CD99L2: variants seen among roughly 807,000 people sequenced by gnomAD.
CD99L2 encodes CD99 molecule like 2.
CD99L2 carries 24 observed loss-of-function variants against 27.3 expected under a neutral mutation model. The ratio of observed to expected loss-of-function variants is 0.88; its 90% CI spans 0.64 to 1.24. CD99L2 has a LOEUF of 1.24. Ranked by LOEUF, CD99L2 falls within the 50% of genes most tolerant of loss-of-function variation. The pLI, the probability that CD99L2 is intolerant of heterozygous loss-of-function variation, is 0.00. For missense variants in CD99L2, 255 were observed against 221.6 expected, an observed-to-expected ratio of 1.15 and a Z score of -0.96; for synonymous variants, 97 against 87.9, an observed-to-expected ratio of 1.10 and a Z score of -0.58.
At chrX:150,885,710 ATCT>A (rs782170173) in intron 1 of CD99L2, among the ~76,000 whole-genome samples, 4 of 112,283 alleles carry the variant, frequency 3.6e-5, no homozygotes, top group African/African-American at 1.3e-4. Context: ...ATATAATGTT[ATCT>A]TATTATAGTT....
Position 150,797,421 on chromosome X carries a change from C to T in CD99L2, c.278-1935G>A, listed in dbSNP as rs1314160111. Reference sequence around the variant, plus strand: ...AAGAAATGGACCAATTTCTCAAAAACCACCAACTATCAAAATACAACCTAA... The same window carrying T: ...AAGAAATGGACCAATTTCTCAAAAATCACCAACTATCAAAATACAACCTAA... On this transcript the variant is annotated intron_variant, in intron 4 of 10. Transcript: ENST00000370377. Among the ~76,000 whole-genome samples the T allele has an allele frequency of 3.2e-4, 36 of 111,927 alleles. No homozygotes were observed. In the Admixed American group the frequency reaches 3.4e-3, roughly 11 times the overall value.
In CD99L2 at chrX:150,805,173, GC is replaced by G. The variant is rs782197564; in HGVS notation, c.277+9688del. Among the ~76,000 whole-genome samples, 228 of 111,798 alleles carry G rather than the reference GC, an allele frequency of 2.0e-3. 2 individuals carry two copies. The highest frequency in any genetic ancestry group is 7.2e-3 in the African/African-American group (221 of 30,740). On this transcript the variant is annotated intron_variant, in intron 4 of 10. Transcript: ENST00000370377. Reference sequence around the variant, plus strand: ...ATTGCACTCCAGCCTGGGCAACAGAGCGAGACTCCGACTCAAAACAAACAAA... The same window carrying G: ...ATTGCACTCCAGCCTGGGCAACAGAGGAGACTCCGACTCAAAACAAACAAA...
intron 1 of CD99L2, among the ~76,000 whole-genome samples, chrX:150,858,117 A>AT (rs1203901635): frequency 9.8e-4 from 111 of 112,736 alleles, no homozygotes; most frequent in Non-Finnish European, 1.8e-3. Context: ...AAAGAAGGTC[A>AT]TTGTATAATG....
At chrX:150,890,307 CG>C (rs1236802295) in intron 1 of CD99L2, among the ~76,000 whole-genome samples, 1 of 109,038 alleles carries the variant, frequency 9.2e-6, no homozygotes, top group Non-Finnish European at 1.9e-5. Flanking sequence ...GGTGAAACCC[CG>C]TCTCTACTGA....
chrX:150,791,579 G>A (rs782252669), intron 7 of CD99L2, among the ~76,000 whole-genome samples: 57 of 111,741 alleles, frequency 5.1e-4, no homozygotes, highest in African/African-American at 1.8e-3. Context: ...GAACCACAGT[G>A]GGAGTAGGGG....
chrX:150,871,562 T>C (rs997156391), intron 1 of CD99L2, among the ~76,000 whole-genome samples: 1 of 112,072 alleles, frequency 8.9e-6, no homozygotes, highest in Admixed American at 9.5e-5. Context: ...ACAACCACTT[T>C]GGAAAACTCT....
At chrX:150,799,993 A>T (rs2045878201) in intron 4 of CD99L2, among the ~76,000 whole-genome samples, 1 of 112,423 alleles carries the variant, frequency 8.9e-6, no homozygotes, top group Admixed American at 9.4e-5. Flanking sequence ...CCATCAACAT[A>T]TAAATGGATA....
At chrX:150,779,273 C>T (rs2045470644) in intron 7 of CD99L2, among the ~76,000 whole-genome samples, 1 of 112,243 alleles carries the variant, frequency 8.9e-6, no homozygotes, top group East Asian at 2.8e-4. Context: ...AGACTCAAAG[C>T]TCAATAGTTC....
rs944179658 is a variant in CD99L2, at chrX:150,893,522, G to C, written c.67+5000C>G. Among the ~76,000 whole-genome samples the C allele has an allele frequency of 3.7e-5, 4 of 108,432 alleles. No individual in the cohort carries two copies. The East Asian group carries it at 1.2e-3, about 32-fold the overall frequency. 94.2% of individuals were successfully genotyped at this position (108,432 alleles called of 115,157 possible). ...GGCCCACTCTGCTCTTACGCCCCCC[G>C]AACCAAGTTCAAGGACCTTGAAAAC... On this transcript the variant is annotated intron_variant, in intron 1 of 10. Coordinates refer to ENST00000370377, the MANE Select transcript of CD99L2 (RefSeq NM_031462.4).
chrX:150,800,434 T>C (rs1053018956), intron 4 of CD99L2, among the ~76,000 whole-genome samples: 2 of 112,032 alleles, frequency 1.8e-5, no homozygotes, highest in African/African-American at 6.5e-5. Flanking sequence ...AATACAACTA[T>C]AAAAATAATA....
At position 150,793,380 on chromosome X, in the gene CD99L2, G is replaced by C. The variant is rs910102039; in HGVS notation, c.496+311C>G. ...CTTGAGGTTGAGAGGGCTGCTTTCAGAGTCCACTGGCCCCCAGTTATTATC... is the reference window on the plus strand; with the variant it reads ...CTTGAGGTTGAGAGGGCTGCTTTCACAGTCCACTGGCCCCCAGTTATTATC... On this transcript the variant is annotated intron_variant, in intron 7 of 10. Transcript: ENST00000370377. Among the ~76,000 whole-genome samples the C allele has an allele frequency of 2.7e-5, 3 of 112,797 alleles. No homozygotes were observed. The East Asian group carries it at 8.4e-4, about 32-fold the overall frequency.
At chrX:150,802,901 TTTTTTTTTTTC>T (rs2045938316) in intron 4 of CD99L2, among the ~76,000 whole-genome samples, 1 of 53,849 alleles carries the variant, frequency 1.9e-5, no homozygotes, top group African/African-American at 9.4e-5. Context: ...TTTTTTTTTT[TTTTTTTTTTTC>T]TGAGACAGAG....
intron 7 of CD99L2, among the ~76,000 whole-genome samples, chrX:150,786,167 G>T (rs782546679): frequency 9.1e-6 from 1 of 110,361 alleles, no homozygotes; most frequent in Non-Finnish European, 1.9e-5. Context: ...ATGTGTTGTG[G>T]TATCTCATGG....
Position 150,818,949 on chromosome X carries a change from C to T in CD99L2, c.131-2871G>A. Reference sequence around the variant, plus strand: ...CAGGGTTTATGTGCTAGGGTGGGGACTTCACATGCCATAATAGTAATGGTG... The same window carrying T: ...CAGGGTTTATGTGCTAGGGTGGGGATTTCACATGCCATAATAGTAATGGTG... On this transcript the variant is annotated intron_variant, in intron 2 of 10. Transcript: ENST00000370377. The T allele has an allele frequency of 8.7e-6, 3 of 345,001 alleles. No homozygotes were observed. The Admixed American group carries it at 9.0e-5, about 10-fold the overall frequency. The allele number at this position is 345,001 out of a possible 1,213,427, so 28.4% of individuals were successfully genotyped here.
intron 1 of CD99L2, among the ~76,000 whole-genome samples, chrX:150,852,656 TCTGTCTCTATAGATTTGC>T (rs1359015525): frequency 1.8e-5 from 2 of 110,388 alleles, no homozygotes; most frequent in Non-Finnish European, 3.8e-5. Flanking sequence ...TAATCTCCTT[TCTGTCTCTATAGATTTGC>T]CTGCTCTGGT....
At position 150,795,430 on chromosome X, in the gene CD99L2, C is replaced by T; in HGVS notation, c.334G>A (p.Ala112Thr). The T allele has an allele frequency of 8.3e-7, 1 of 1,211,597 alleles. No individual in the cohort carries two copies. The highest frequency in any genetic ancestry group is 1.1e-6 in the Non-Finnish European group (1 of 895,464). Residue 112 changes from alanine (A) to threonine (T), a missense_variant, in exon 5 of 11, where the codon GCA (alanine) becomes ACA (threonine). Coordinates refer to ENST00000370377, the MANE Select transcript of CD99L2 (RefSeq NM_031462.4). ...GCGGCCACCTTACCTAAAGTATTTG[C>T]TGGAGCTCTGGTGGTTACTGGCCTC... ...TKRPVTTRAP[A>T]NTLGNDFDLA...
At chrX:150,778,960 C>T (rs2045464271) in intron 7 of CD99L2, among the ~76,000 whole-genome samples, 1 of 111,357 alleles carries the variant, frequency 9.0e-6, no homozygotes, top group Non-Finnish European at 1.9e-5. Context: ...AGGTCCCCTC[C>T]GCTATGCTGG....
At chrX:150,827,895 G>A (rs1254630833) in intron 2 of CD99L2, among the ~76,000 whole-genome samples, 2 of 111,786 alleles carry the variant, frequency 1.8e-5, no homozygotes, top group Non-Finnish European at 3.8e-5. Flanking sequence ...AAGATTGACT[G>A]TTCTTTTCAC....
chrX:150,884,298 TACTGCATGTC>T (rs1431395809), intron 1 of CD99L2, among the ~76,000 whole-genome samples: 1 of 112,078 alleles, frequency 8.9e-6, no homozygotes, highest in Non-Finnish European at 1.9e-5. Flanking sequence ...AGGGTGATGA[TACTGCATGTC>T]ACATAGCCTC....
Sources: gnomAD v4.1 joint callset for allele counts (sites outside exome capture counted in the v4.1 genomes callset) on GRCh38, gnomAD v4.1.1 for gene constraint, MANE v1.5 for transcripts, NCBI Gene and HGNC (gene_info 2026-07-23, HGNC 2026-07-21) for gene names.